NGEF: variants seen among roughly 807,000 people sequenced by gnomAD.
NGEF encodes ephexin-1.
NGEF carries 31 observed loss-of-function variants against 80.9 expected under a neutral mutation model. The observed-to-expected ratio is 0.38, with a 90% CI of 0.29 to 0.52. The LOEUF is 0.52. Ranked by LOEUF, NGEF falls within the 20% of genes least tolerant of loss-of-function variation. The pLI is 0.84. For missense variants in NGEF, 709 were observed against 926.2 expected, an observed-to-expected ratio of 0.77 and a Z score of 3.04; for synonymous variants, 371 against 370.2, an observed-to-expected ratio of 1.00 and a Z score of -0.03.
chr2:232,941,590 C>T lies in NGEF; in HGVS notation c.384-14404G>A, dbSNP rs544701916. On this transcript the variant is annotated intron_variant, in intron 3 of 14. Coordinates refer to ENST00000264051, the MANE Select transcript of NGEF (RefSeq NM_019850.3). ...AAAGGCGGTTTCACTTTTACTCGTA[C>T]GTGTTTAAAATTTTTTCTACCATAA... is the stretch of plus-strand genomic sequence containing the variant. Among the ~76,000 whole-genome samples the T allele has an allele frequency of 2.7e-5, 4 of 150,320 alleles. No individual in the cohort carries two copies. The East Asian group carries it at 5.9e-4, about 22-fold the overall frequency.
At chr2:232,942,764 T>A in intron 3 of NGEF, among the ~76,000 whole-genome samples, 1 of 142,112 alleles carries the variant, frequency 7.0e-6, no homozygotes. Context: ...CCCAGCTACT[T>A]GGGAGGCTGA....
At chr2:232,928,253 G>T (rs181813160) in intron 3 of NGEF, 378,494 of 826,924 alleles carry the variant, frequency 0.46, 87,084 homozygotes, top group Non-Finnish European at 0.47. Context: ...CGGCGGCGGG[G>T]CGGGGGCGCC....
At chr2:232,899,890 ATTCACACACATG>A (rs1692238801) in intron 5 of NGEF, among the ~76,000 whole-genome samples, 1 of 139,580 alleles carries the variant, frequency 7.2e-6, no homozygotes, top group African/African-American at 2.7e-5. Context: ...GTTCACTCAC[ATTCACACACATG>A]CTCTCACAGT....
At chr2:232,998,637 T>C (rs1449941698) in intron 1 of NGEF, among the ~76,000 whole-genome samples, 4 of 152,182 alleles carry the variant, frequency 2.6e-5, no homozygotes, top group Non-Finnish European at 5.9e-5. Context: ...CCTGGGCAGT[T>C]TGGGGGCAGG....
rs1694655247 is a variant in NGEF at position 232,991,774 on chromosome 2, C to G, written c.-74-16810G>C. On this transcript the variant is annotated intron_variant, in intron 1 of 14. Transcript: ENST00000264051. ...AATTAATCTGGGAATTCAAGAGACT[C>G]ATGCCAAAACAATCAAAGAACAGAG... Among the ~76,000 whole-genome samples, 12 of 152,176 alleles carry G rather than the reference C, an allele frequency of 7.9e-5. No individual in the cohort carries two copies. In the South Asian group the frequency reaches 2.5e-3, roughly 31 times the overall value.
intron 6 of NGEF, among the ~76,000 whole-genome samples, chr2:232,893,303 C>T (rs1376899504): frequency 6.6e-6 from 1 of 152,174 alleles, no homozygotes; most frequent in Non-Finnish European, 1.5e-5. Context: ...CAGGTATGTG[C>T]TGATGTGTTT....
chr2:232,977,778 G>T (rs1333151471), intron 1 of NGEF, among the ~76,000 whole-genome samples: 3 of 152,242 alleles, frequency 2.0e-5, no homozygotes, highest in East Asian at 1.9e-4. Flanking sequence ...CACAGGCGGG[G>T]TGGTGGGGGA....
At chr2:232,924,001 C>G (rs965239655) in intron 4 of NGEF, among the ~76,000 whole-genome samples, 7 of 152,094 alleles carry the variant, frequency 4.6e-5, no homozygotes, top group African/African-American at 4.8e-5. Context: ...CTTTGGGAGG[C>G]TAAGGTGGGT....
At chr2:232,949,478 C>A (rs189383722) in intron 3 of NGEF, among the ~76,000 whole-genome samples, 1 of 133,236 alleles carries the variant, frequency 7.5e-6, no homozygotes. Context: ...TCTCTGCACT[C>A]TTTCTTTTTT....
At chr2:232,969,362 A>G (rs1694134477) in intron 3 of NGEF, among the ~76,000 whole-genome samples, 1 of 151,830 alleles carries the variant, frequency 6.6e-6, no homozygotes, top group South Asian at 2.1e-4. Context: ...TTCTGGCCTC[A>G]GCCTCCCAAA....
chr2:232,894,276 C>T (rs1017442432), intron 6 of NGEF, among the ~76,000 whole-genome samples: 1 of 152,254 alleles, frequency 6.6e-6, no homozygotes, highest in African/African-American at 2.4e-5. Context: ...GTGGAAAACG[C>T]ACTCAGGAGG....
chr2:232,969,075 T>G (rs1694127990), intron 3 of NGEF, among the ~76,000 whole-genome samples: 1 of 152,204 alleles, frequency 6.6e-6, no homozygotes, highest in East Asian at 1.9e-4. Context: ...TGTTTTAAAA[T>G]AAGCAGCTGA....
chr2:232,928,223 G>C, intron 3 of NGEF: 1 of 963,504 alleles, frequency 1.0e-6, no homozygotes, highest in African/African-American at 1.8e-5. Flanking sequence ...AGGGGCGCGC[G>C]CGGCGGGGGC....
At chr2:232,988,806 G>T (rs1694593525) in intron 1 of NGEF, among the ~76,000 whole-genome samples, 1 of 152,164 alleles carries the variant, frequency 6.6e-6, no homozygotes, top group African/African-American at 2.4e-5. Flanking sequence ...TTTCACAAAT[G>T]GGAGATGATG....
intron 9 of NGEF, among the ~76,000 whole-genome samples, chr2:232,887,638 G>A (rs1378360502): frequency 6.6e-6 from 1 of 152,174 alleles, no homozygotes; most frequent in African/African-American, 2.4e-5. Context: ...GACAAGCCTG[G>A]GGTCTGTGTG....
chr2:232,986,184 A>T (rs557082054), intron 1 of NGEF, among the ~76,000 whole-genome samples: 3 of 152,336 alleles, frequency 2.0e-5, no homozygotes, highest in African/African-American at 7.2e-5. Context: ...TCAGCATGGC[A>T]GTTATAAGAA....
intron 5 of NGEF, among the ~76,000 whole-genome samples, chr2:232,905,481 G>GC (rs1255902429): frequency 2.6e-5 from 4 of 152,202 alleles, no homozygotes; most frequent in African/African-American, 7.2e-5. Flanking sequence ...GCCTGTCTTG[G>GC]CCCCCCAAAG....
At chr2:232,931,971 C>T (rs1192882564) in intron 3 of NGEF, among the ~76,000 whole-genome samples, 3 of 152,140 alleles carry the variant, frequency 2.0e-5, no homozygotes, top group African/African-American at 4.8e-5. Flanking sequence ...ATGACAAGGA[C>T]GGCCCTTTCT....
At chr2:232,886,123 GTGTATATGCAGTGTGTGC>G (rs67271955) in intron 9 of NGEF, among the ~76,000 whole-genome samples, 48,673 of 151,808 alleles carry the variant, frequency 0.32, 7,941 homozygotes, top group Admixed American at 0.36. Context: ...TGTGTGTGCT[GTGTATATGCAGTGTGTGC>G]TGTGTATGCA....
Sources: allele counts gnomAD v4.1 joint callset (sites outside exome capture counted in the v4.1 genomes callset), GRCh38; gene constraint gnomAD v4.1.1; transcripts MANE v1.5; gene names NCBI Gene and HGNC (gene_info 2026-07-23, HGNC 2026-07-21).